The following MET variants were observed in gnomAD, a reference collection of about 807,000 sequenced individuals.
MET encodes the protein hepatocyte growth factor receptor.
Under a neutral mutation model 133.1 loss-of-function variants are expected in MET, and 48 were observed. The ratio of observed to expected loss-of-function variants is 0.36; its 90% CI spans 0.29 to 0.46. The LOEUF (loss-of-function observed/expected upper bound fraction) is 0.46, where lower values mean the gene tolerates loss of function less well. Among genes scored for constraint, MET ranks in the 20% least tolerant of loss-of-function variants. The pLI, the probability that MET is intolerant of heterozygous loss-of-function variation, is 1.00. For missense variants in MET, 1,442 were observed against 1,695.9 expected, an observed-to-expected ratio of 0.85 and a Z score of 2.63; for synonymous variants, 628 against 616.5, an observed-to-expected ratio of 1.02 and a Z score of -0.28.
chr7:116,772,427 G>C (rs983375839), intron 14 of MET, among the ~76,000 whole-genome samples: 1 of 152,114 alleles, frequency 6.6e-6, no homozygotes, highest in African/African-American at 2.4e-5. Flanking sequence ...TGAACTGTTA[G>C]TACACAGCCT....
intron 19 of MET, among the ~76,000 whole-genome samples, chr7:116,784,876 C>A: frequency 6.6e-6 from 1 of 152,126 alleles, no homozygotes. Flanking sequence ...AAGGCAAGTC[C>A]CTTCTGCCTA....
chr7:116,760,826 TCAC>T (rs1794373385), intron 10 of MET, among the ~76,000 whole-genome samples: 1 of 152,062 alleles, frequency 6.6e-6, no homozygotes. Context: ...CTCTAGGGAG[TCAC>T]CATATGAAGC....
chr7:116,757,476 C>T lies in MET; in HGVS notation c.1902C>T (p.Phe634=), dbSNP rs772450441. The change falls in exon 7 of 21, where the codon TTC becomes TTT. Residue 634 remains phenylalanine (F), a synonymous_variant. Coordinates refer to ENST00000397752, the MANE Select transcript of MET (RefSeq NM_000245.4). The part of the protein sequence containing the change: ...CTVGPAMNKH[F]NMSIIISNGH... ...TTGGTCCTGCCATGAATAAGCATTT[C>T]AATATGTCCATAATTATTTCAAATG... The T allele has an allele frequency of 6.8e-6, 11 of 1,613,544 alleles. No homozygotes were observed. The East Asian group carries it at 2.2e-4, about 33-fold the overall frequency.
chr7:116,771,522 G>T lies in MET; in HGVS notation c.2755G>T (p.Val919Phe), dbSNP rs759522148. 6.2e-7 allele frequency: 1 copy of T among 1,613,700 alleles called. No homozygotes were observed. Residue 919 changes from valine (V) to phenylalanine (F), a missense_variant, in exon 13 of 21, where the codon GTC (valine) becomes TTC (phenylalanine). Physicochemically the swap from Val to Phe is conservative, Grantham distance 50. Around this residue, in one of 6 missense-constraint regions of MET, gnomAD observed 514 missense variants for 659.6 expected, o/e 0.78. Transcript: ENST00000397752. ...GTGGAAGCAAGCAATTTCTTCAACC[G>T]TCCTTGGAAAAGTAATAGTTCAACC... ...IEWKQAISST[V>F]LGKVIVQPDQ... is the part of the protein sequence containing the mutation.
chr7:116,680,475 T>C (rs1387564266), intron 1 of MET, among the ~76,000 whole-genome samples: 1 of 151,970 alleles, frequency 6.6e-6, no homozygotes, highest in Non-Finnish European at 1.5e-5. Flanking sequence ...AAATAGATAA[T>C]AAAGGAGAAG....
intron 2 of MET, among the ~76,000 whole-genome samples, chr7:116,716,031 G>A (rs551180139): frequency 2.1e-4 from 32 of 152,140 alleles, no homozygotes; most frequent in Admixed American, 6.5e-4. Context: ...TGGAAGGATT[G>A]CTAGAGCCTG....
chr7:116,795,891 G>A lies in MET; in HGVS notation c.3940G>A (p.Glu1314Lys), dbSNP rs1395763398. 6.2e-7 allele frequency: 1 copy of A among 1,614,186 alleles called. No homozygotes were observed. The highest frequency in any genetic ancestry group is 8.5e-7 in the Non-Finnish European group (1 of 1,180,030). The change falls in exon 21 of 21, where the codon GAA (glutamate) becomes AAA (lysine). Residue 1314 changes from glutamate (E) to lysine (K), a missense_variant. Physicochemically the swap from Glu to Lys is moderately conservative, Grantham distance 56. Coordinates refer to ENST00000397752, the MANE Select transcript of MET (RefSeq NM_000245.4). Reference protein sequence around the residue: ...QPEYCPDPLYEVMLKCWHPKA... With the variant: ...QPEYCPDPLYKVMLKCWHPKA... The stretch of plus-strand genomic sequence containing the variant: ...ATGTCTTTCTTTTTGGAACAGATAT[G>A]AAGTAATGCTAAAATGCTGGCACCC...
chr7:116,775,509 T>TCCTGGCCAACATGGCAAAACCCC, intron 15 of MET, among the ~76,000 whole-genome samples: 1 of 151,940 alleles, frequency 6.6e-6, no homozygotes, highest in South Asian at 2.1e-4. Context: ...TTCAAAACCA[T>TCCTGGCCAACATGGCAAAACCCC]CCTGGCCAAC....
At chr7:116,754,458 T>G (rs532663407) in intron 5 of MET, among the ~76,000 whole-genome samples, 1 of 152,180 alleles carries the variant, frequency 6.6e-6, no homozygotes, top group African/African-American at 2.4e-5. Flanking sequence ...TATGAGCAAG[T>G]AAAAGTCTGG....
At chr7:116,701,698 C>G (rs1247587739) in intron 2 of MET, among the ~76,000 whole-genome samples, 1 of 152,088 alleles carries the variant, frequency 6.6e-6, no homozygotes, top group Non-Finnish European at 1.5e-5. Context: ...TGAAGCTCCC[C>G]CTTTTCTTTA....
At chr7:116,784,185 T>C (rs764271159) in intron 19 of MET, among the ~76,000 whole-genome samples, 6 of 152,208 alleles carry the variant, frequency 3.9e-5, no homozygotes, top group Non-Finnish European at 5.9e-5. Flanking sequence ...CAGTACTTAG[T>C]TATTTGGCAA....
rs561295443 is a variant in MET at position 116,700,147 on chromosome 7, G to A, written c.1063G>A (p.Glu355Lys). Reference protein sequence around the residue: ...VFAQSKPDSAEPMDRSAMCAF... With the variant: ...VFAQSKPDSAKPMDRSAMCAF... ...CGCACAAAGCAAGCCAGATTCTGCC[G>A]AACCAATGGATCGATCTGCCATGTG... The change falls in exon 2 of 21, where the codon GAA becomes AAA. Residue 355 changes from glutamate (E) to lysine (K), a missense_variant. Coordinates refer to ENST00000397752, the MANE Select transcript of MET (RefSeq NM_000245.4). The A allele has an allele frequency of 3.8e-5, 60 of 1,596,674 alleles. No individual in the cohort carries two copies. Among genetic ancestry groups the A allele is most frequent in the African/African-American group, 9.4e-5 (7 of 74,242 alleles).
chr7:116,705,005 T>C (rs549466632), intron 2 of MET, among the ~76,000 whole-genome samples: 15 of 151,860 alleles, frequency 9.9e-5, no homozygotes, highest in Non-Finnish European at 2.2e-4. Flanking sequence ...TTTCACAGAA[T>C]GCCAAAGTTA....
At chr7:116,715,692 A>G (rs1428873877) in intron 2 of MET, among the ~76,000 whole-genome samples, 1 of 152,190 alleles carries the variant, frequency 6.6e-6, no homozygotes, top group Non-Finnish European at 1.5e-5. Flanking sequence ...TGTTATGTAG[A>G]TATGTGTTTT....
At chr7:116,777,254 A>G (rs1362833635) in intron 15 of MET, 135 bp from the exon 16 acceptor site, 1 of 773,578 alleles carries the variant, frequency 1.3e-6, no homozygotes, top group Non-Finnish European at 2.2e-6. Flanking sequence ...GGTATTGTTA[A>G]AAGTATTTTT....
intron 19 of MET, 60 bp from the exon 20 acceptor site, chr7:116,795,595 C>T: frequency 6.2e-7 from 1 of 1,610,488 alleles, no homozygotes; most frequent in East Asian, 2.2e-5. Context: ...CTACTGATTT[C>T]CTTTCATATA....
intron 1 of MET, among the ~76,000 whole-genome samples, chr7:116,688,091 G>A (rs373075830): frequency 1.3e-5 from 2 of 152,324 alleles, no homozygotes; most frequent in African/African-American, 4.8e-5. Context: ...GGAGGGAGGG[G>A]ATGTCTGATT....
intron 5 of MET, among the ~76,000 whole-genome samples, chr7:116,755,008 G>GAAAGAA (rs1794113919): frequency 6.7e-6 from 1 of 149,794 alleles, no homozygotes; most frequent in Admixed American, 6.7e-5. Context: ...AAGAAAGAAA[G>GAAAGAA]AAAGAAAGAA....
intron 17 of MET, among the ~76,000 whole-genome samples, chr7:116,780,138 T>C (rs1795111365): frequency 6.6e-6 from 1 of 152,148 alleles, no homozygotes; most frequent in African/African-American, 2.4e-5. Context: ...AAAAGGTTCT[T>C]AGCCTCTTGC....
Sources: allele counts gnomAD v4.1 joint callset (sites outside exome capture counted in the v4.1 genomes callset), GRCh38; gene constraint gnomAD v4.1.1; regional missense constraint gnomAD v4.1.1; transcripts MANE v1.5; gene names NCBI Gene and HGNC (gene_info 2026-07-23, HGNC 2026-07-21).